ARL6: variants seen among roughly 807,000 people sequenced by gnomAD.
ARL6 encodes the protein ARF like GTPase 6.
Under a neutral mutation model 27.1 loss-of-function variants are expected in ARL6, and 18 were observed. The observed-to-expected ratio is 0.66, with a 90% confidence interval of 0.46 to 0.98. ARL6 has a LOEUF of 0.98. Among genes scored for constraint, ARL6 ranks in the 50% least tolerant of loss-of-function variants. ARL6 has a pLI of 0.00. For synonymous variants in ARL6, 65 were observed against 72.3 expected (o/e 0.90, Z 0.51); for missense variants, 187 against 214.9 (o/e 0.87, Z 0.81).
Position 97,788,225 on chromosome 3 carries a change from G to A in ARL6, c.479+106G>A, listed in dbSNP as rs935514676. 1.3e-5 allele frequency: 16 copies of A among 1,189,656 alleles called. No individual in the cohort carries two copies. The African/African-American group carries it at 1.8e-4, about 14-fold the overall frequency. The allele number at this position is 1,189,656 out of a possible 1,614,324, so 73.7% of individuals were successfully genotyped here. ...TTAAAAATAAGTGATCAAACATGGTGGCATATAAGCTAAGGATTTTGTTTT... is the reference window on the plus strand; with the variant it reads ...TTAAAAATAAGTGATCAAACATGGTAGCATATAAGCTAAGGATTTTGTTTT... On this transcript the variant is annotated intron_variant, in intron 6 of 7. Coordinates refer to ENST00000463745, the MANE Select transcript of ARL6 (RefSeq NM_001278293.3).
chr3:97,791,917 G>A, intron 7 of ARL6, 91 bp downstream of exon 7: 1 of 1,165,294 alleles, frequency 8.6e-7, no homozygotes. Context: ...TTATATCATT[G>A]CCTTTTTTCC....
intron 7 of ARL6, 170 bp downstream of exon 7, chr3:97,791,996 T>G (rs1020062218): frequency 3.3e-6 from 2 of 606,792 alleles, no homozygotes; most frequent in Non-Finnish European, 5.8e-6. Context: ...TCCATTTACT[T>G]CTATCACATA....
intron 2 of ARL6, among the ~76,000 whole-genome samples, chr3:97,769,783 G>A (rs2036555100): frequency 6.6e-6 from 1 of 152,052 alleles, no homozygotes; most frequent in Non-Finnish European, 1.5e-5. Context: ...GAGAACATGT[G>A]ATACTTGTCT....
intron 1 of ARL6, among the ~76,000 whole-genome samples, chr3:97,765,551 TAAG>T (rs2036339977): frequency 1.3e-5 from 2 of 152,040 alleles, no homozygotes; most frequent in South Asian, 4.1e-4. Flanking sequence ...TACAGTAAGA[TAAG>T]AAACAAGAAA....
chr3:97,775,892 A>G (rs966594991), intron 2 of ARL6, among the ~76,000 whole-genome samples: 4 of 152,218 alleles, frequency 2.6e-5, no homozygotes, highest in Non-Finnish European at 5.9e-5. Flanking sequence ...GATGATGAAG[A>G]TAATGTATAT....
At chr3:97,789,677 A>C (rs1185432730) in intron 6 of ARL6, among the ~76,000 whole-genome samples, 5 of 152,156 alleles carry the variant, frequency 3.3e-5, no homozygotes, top group African/African-American at 4.8e-5. Flanking sequence ...ACTTCTCCTT[A>C]ATTCAAATTG....
chr3:97,768,254 T>C, intron 2 of ARL6, 24 bp downstream of exon 2: 8 of 1,609,220 alleles, frequency 5.0e-6, no homozygotes, highest in African/African-American at 1.3e-5. Context: ...TTAGATGCTT[T>C]ATGTATTTTC....
chr3:97,787,337 A>T (rs2037506882), intron 5 of ARL6, among the ~76,000 whole-genome samples: 1 of 152,152 alleles, frequency 6.6e-6, no homozygotes, highest in African/African-American at 2.4e-5. Flanking sequence ...AAAATAATAT[A>T]TAATAATTAT....
chr3:97,782,487 G>A (rs1281934364), intron 4 of ARL6, among the ~76,000 whole-genome samples: 6 of 151,544 alleles, frequency 4.0e-5, no homozygotes, highest in East Asian at 1.9e-4. Context: ...CCCTATTTTC[G>A]TACTTTTCTA....
chr3:97,784,544 C>A (rs900061413), intron 4 of ARL6, among the ~76,000 whole-genome samples: 2 of 150,066 alleles, frequency 1.3e-5, no homozygotes, highest in African/African-American at 4.9e-5. Flanking sequence ...ATACAGGATT[C>A]CATTTTAAAT....
chr3:97,798,531 G>A lies in ARL6; in HGVS notation c.*482G>A, dbSNP rs2038108560. 6.5e-6 allele frequency: 1 copy of A among 153,310 alleles called. No individual in the cohort carries two copies. The highest frequency in any genetic ancestry group is 1.4e-5 in the Non-Finnish European group (1 of 68,968). The allele number at this position is 153,310 out of a possible 1,614,324, so 9.5% of individuals were successfully genotyped here. A position where few individuals can be genotyped will look rare whatever the true frequency, so the allele number is the denominator to read the frequency against. The stretch of plus-strand genomic sequence containing the variant: ...CTGTCAATAAAATGTAAAATATAAT[G>A]TGCCAACTAGTGCGCTTTGTTTATG... On this transcript the variant is annotated 3_prime_UTR_variant, in exon 8 of 8. Coordinates refer to ENST00000463745, the MANE Select transcript of ARL6 (RefSeq NM_001278293.3).
chr3:97,768,698 A>G (rs2036501693), intron 2 of ARL6, among the ~76,000 whole-genome samples: 1 of 151,956 alleles, frequency 6.6e-6, no homozygotes, highest in Admixed American at 6.6e-5. Flanking sequence ...CATGTGATGT[A>G]TAAGTTAAAG....
chr3:97,772,311 A>G (rs776051449), intron 2 of ARL6, among the ~76,000 whole-genome samples: 15 of 152,086 alleles, frequency 9.9e-5, no homozygotes, highest in Non-Finnish European at 1.6e-4. Context: ...GTTGGCATGT[A>G]GTTTTTCATA....
At chr3:97,772,619 C>A (rs2036690859) in intron 2 of ARL6, among the ~76,000 whole-genome samples, 1 of 124,406 alleles carries the variant, frequency 8.0e-6, no homozygotes, top group Non-Finnish European at 1.7e-5. Context: ...AGGCTTGTTA[C>A]TTTTTTTTTT....
chr3:97,767,430 A>G (rs2036436819), intron 1 of ARL6, among the ~76,000 whole-genome samples: 1 of 152,168 alleles, frequency 6.6e-6, no homozygotes, highest in African/African-American at 2.4e-5. Flanking sequence ...GTGACTTACA[A>G]AGATGTATGT....
chr3:97,800,089 A>C lies in ARL6; in HGVS notation c.*2040A>C, dbSNP rs975482422. On this transcript the variant is annotated 3_prime_UTR_variant, in exon 8 of 8. Transcript: ENST00000463745. ...GACTTTGATAAAAGTCCTTAAAACT[A>C]TTTTGACATTAAATTATTTGGTATT... The C allele has an allele frequency of 2.6e-5, 4 of 152,132 alleles. No homozygotes were observed. The highest frequency in any genetic ancestry group is 9.7e-5 in the African/African-American group (4 of 41,432). The allele number at this position is 152,132 out of a possible 1,614,324, so 9.4% of individuals were successfully genotyped here.
At chr3:97,784,637 G>A (rs1324370045) in intron 4 of ARL6, among the ~76,000 whole-genome samples, 2 of 151,732 alleles carry the variant, frequency 1.3e-5, no homozygotes, top group Non-Finnish European at 1.5e-5. Context: ...CGGTGTAATA[G>A]GGTTATGGTA....
chr3:97,779,023 G>C (rs1241694997), intron 2 of ARL6, among the ~76,000 whole-genome samples: 2 of 152,162 alleles, frequency 1.3e-5, no homozygotes, highest in African/African-American at 2.4e-5. Flanking sequence ...TCTGATGAAA[G>C]TGCTAGGAGG....
chr3:97,780,787 A>C lies in ARL6; in HGVS notation c.254+104A>C, dbSNP rs187986321. 2.0e-4 allele frequency: 164 copies of C among 824,142 alleles called. No individual in the cohort carries two copies. The African/African-American group carries it at 2.3e-3, about 12-fold the overall frequency. 51.1% of individuals were successfully genotyped at this position (824,142 alleles called of 1,614,324 possible). On this transcript the variant is annotated intron_variant, in intron 4 of 7. Coordinates refer to ENST00000463745, the MANE Select transcript of ARL6 (RefSeq NM_001278293.3). ...CTAGGTTGTTTGGCTTTTTTTTTTCATGTAATTTATGAACATTTCCTATTT... is the reference window on the plus strand; with the variant it reads ...CTAGGTTGTTTGGCTTTTTTTTTTCCTGTAATTTATGAACATTTCCTATTT...
Sources: allele counts gnomAD v4.1 joint callset (sites outside exome capture counted in the v4.1 genomes callset), GRCh38; gene constraint gnomAD v4.1.1; transcripts MANE v1.5; gene names NCBI Gene and HGNC (gene_info 2026-07-23, HGNC 2026-07-21).